G3BP1: variants seen among roughly 807,000 people sequenced by gnomAD.
G3BP1 encodes ras GTPase-activating protein-binding protein 1.
A neutral mutation model predicts 58.6 loss-of-function variants in G3BP1; 35 were observed. That is an observed-to-expected ratio of 0.60 (90% CI 0.46 to 0.79). The LOEUF is 0.79. Among genes scored for constraint, G3BP1 ranks in the 30% least tolerant of loss-of-function variants. The pLI is 0.00. For synonymous variants in G3BP1, 191 were observed against 195.4 expected (o/e 0.98, Z 0.19); for missense variants, 523 against 580.8 (o/e 0.90, Z 1.02).
At position 151,784,379 on chromosome 5, in the gene G3BP1, G is replaced by T. The variant is rs191655823; in HGVS notation, c.-49-2193G>T. Among the ~76,000 whole-genome samples, 112 of 152,216 alleles carry T rather than the reference G, an allele frequency of 7.4e-4. 1 individual carries two copies. In the Middle Eastern group the frequency reaches 0.017, roughly 23 times the overall value. On this transcript the variant is annotated intron_variant, in intron 1 of 11. Transcript: ENST00000356245. ...TTATGTCTGCTATCTTAATCTAAAT[G>T]CTGGAAAACCTGCTAAGTCAGTTTT...
rs1763025093 is a variant in G3BP1, at chr5:151,812,023, G to A, written c.*7932G>A. 1 of 152,214 alleles carries A rather than the reference G, an allele frequency of 6.6e-6. No individual in the cohort carries two copies. Among genetic ancestry groups the A allele is most frequent in the African/African-American group, 2.4e-5 (1 of 41,452 alleles). 9.4% of individuals were successfully genotyped at this position (152,214 alleles called of 1,614,324 possible). ...CTAGCTGTCAGAGTTGCCGCTATGT[G>A]AGCTTGTGACTTCTGGTCTGGCGTG... is the stretch of plus-strand genomic sequence containing the variant. On this transcript the variant is annotated 3_prime_UTR_variant, in exon 12 of 12. Coordinates refer to ENST00000356245, the MANE Select transcript of G3BP1 (RefSeq NM_005754.3).
chr5:151,799,862 C>A, intron 8 of G3BP1, 27 bp from the exon 9 acceptor site: 1 of 1,354,136 alleles, frequency 7.4e-7, no homozygotes, highest in Non-Finnish European at 1.0e-6. Context: ...TTTGTTTTAA[C>A]ACAAAAGTTA....
At position 151,805,887 on chromosome 5, in the gene G3BP1, G is replaced by GTCATAAA. The variant is rs1762932435; in HGVS notation, c.*1798_*1804dup. 6.6e-6 allele frequency: 1 copy of GTCATAAA among 152,138 alleles called. No individual in the cohort carries two copies. Among genetic ancestry groups the GTCATAAA allele is most frequent in the African/African-American group, 2.4e-5 (1 of 41,422 alleles). 9.4% of individuals were successfully genotyped at this position (152,138 alleles called of 1,614,324 possible). ...AAAATTACTTTGTGGTAACTTCAAG[G>GTCATAAA]TCATAAATTATGGATAGCCTAGAAA... On this transcript the variant is annotated 3_prime_UTR_variant, in exon 12 of 12. Transcript: ENST00000356245.
intron 9 of G3BP1, 77 bp from the exon 10 acceptor site, chr5:151,800,141 A>G: frequency 7.0e-7 from 1 of 1,420,540 alleles, no homozygotes; most frequent in Admixed American, 1.8e-5. Context: ...GTAGAGGGAA[A>G]ACTATTGAAT....
At chr5:151,786,300 G>A (rs1258337142) in intron 1 of G3BP1, among the ~76,000 whole-genome samples, 1 of 152,124 alleles carries the variant, frequency 6.6e-6, no homozygotes, top group Non-Finnish European at 1.5e-5. Flanking sequence ...AACAAAACAA[G>A]AAAATTATGG....
intron 1 of G3BP1, among the ~76,000 whole-genome samples, chr5:151,783,319 A>G (rs1762503160): frequency 6.6e-6 from 1 of 152,062 alleles, no homozygotes; most frequent in Non-Finnish European, 1.5e-5. Context: ...AGAGATGACA[A>G]TTTTTTAGGA....
chr5:151,801,270 A>G (rs931286064), intron 11 of G3BP1, among the ~76,000 whole-genome samples: 9 of 152,206 alleles, frequency 5.9e-5, no homozygotes, highest in African/African-American at 1.7e-4. Flanking sequence ...ATAACTATTA[A>G]GAGCTTCTTC....
At chr5:151,780,305 G>A (rs947764635) in intron 1 of G3BP1, among the ~76,000 whole-genome samples, 1 of 151,986 alleles carries the variant, frequency 6.6e-6, no homozygotes, top group Non-Finnish European at 1.5e-5. Flanking sequence ...TTGTATGCAG[G>A]TTTATATACA....
Position 151,775,117 on chromosome 5 carries a change from G to T in G3BP1, c.-50+3081G>T, listed in dbSNP as rs1438259671. ...TCACAGCCTGTAGCTTAGTAAATAA[G>T]GTCTTTAGGCGACTTTGTGATAGAG... On this transcript the variant is annotated intron_variant, in intron 1 of 11. Coordinates refer to ENST00000356245, the MANE Select transcript of G3BP1 (RefSeq NM_005754.3). Among the ~76,000 whole-genome samples the T allele has an allele frequency of 5.3e-5, 8 of 152,168 alleles. 1 individual carries two copies.
rs1762933216 is a variant in G3BP1, at chr5:151,805,949, A to G, written c.*1858A>G. ...GAGTGAATACTAAATTATACATTTC[A>G]AAACAGAAGTTCTTCCTACTTGGAG... On this transcript the variant is annotated 3_prime_UTR_variant, in exon 12 of 12. Coordinates refer to ENST00000356245, the MANE Select transcript of G3BP1 (RefSeq NM_005754.3). The G allele has an allele frequency of 6.6e-6, 1 of 152,230 alleles. No individual in the cohort carries two copies. Among genetic ancestry groups the G allele is most frequent in the Non-Finnish European group, 1.5e-5 (1 of 68,032 alleles). 9.4% of individuals were successfully genotyped at this position (152,230 alleles called of 1,614,324 possible).
chr5:151,783,765 C>A (rs532376727), intron 1 of G3BP1, among the ~76,000 whole-genome samples: 4 of 151,982 alleles, frequency 2.6e-5, no homozygotes, highest in African/African-American at 9.7e-5. Context: ...CTTACCTAAA[C>A]ATTCTTTTTT....
Position 151,808,664 on chromosome 5 carries a change from T to A in G3BP1, c.*4573T>A, listed in dbSNP as rs1415423453. 6.6e-6 allele frequency: 1 copy of A among 152,218 alleles called. No individual in the cohort carries two copies. The highest frequency in any genetic ancestry group is 2.1e-4 in the South Asian group (1 of 4,836). 9.4% of individuals were successfully genotyped at this position (152,218 alleles called of 1,614,324 possible). A position where few individuals can be genotyped will look rare whatever the true frequency, so the allele number is the denominator to read the frequency against. Reference sequence around the variant, plus strand: ...GTGTAGTATTTTGAAATGTGGCCAGTGTCCCAGATTTGTAAGGTACAGTGT... The same window carrying A: ...GTGTAGTATTTTGAAATGTGGCCAGAGTCCCAGATTTGTAAGGTACAGTGT... On this transcript the variant is annotated 3_prime_UTR_variant, in exon 12 of 12. Transcript: ENST00000356245.
intron 1 of G3BP1, 114 bp downstream of exon 1, chr5:151,772,150 C>T: frequency 6.6e-6 from 1 of 151,300 alleles, no homozygotes; most frequent in African/African-American, 2.4e-5. Context: ...TCGCGTCCCC[C>T]ACCCCAACCC....
chr5:151,801,781 A>G (rs1762854210), intron 11 of G3BP1, among the ~76,000 whole-genome samples: 1 of 152,014 alleles, frequency 6.6e-6, no homozygotes, highest in South Asian at 2.1e-4. Context: ...TATTCTCCAG[A>G]ATGTTAATGG....
rs1367884799 is a variant in G3BP1, at chr5:151,811,912, A to G, written c.*7821A>G. 1 of 152,230 alleles carries G rather than the reference A, an allele frequency of 6.6e-6. No individual in the cohort carries two copies. Among genetic ancestry groups the G allele is most frequent in the Non-Finnish European group, 1.5e-5 (1 of 68,046 alleles). The allele number at this position is 152,230 out of a possible 1,614,324, so 9.4% of individuals were successfully genotyped here. A position where few individuals can be genotyped will look rare whatever the true frequency, so the allele number is the denominator to read the frequency against. ...TCACATTTTCTTCTTCATAAGGATG[A>G]GGAACTTTGTAATTCTGACCTGATT... On this transcript the variant is annotated 3_prime_UTR_variant, in exon 12 of 12. Coordinates refer to ENST00000356245, the MANE Select transcript of G3BP1 (RefSeq NM_005754.3).
At chr5:151,797,090 G>T in intron 6 of G3BP1, 137 bp from the exon 7 acceptor site, 4 of 747,284 alleles carry the variant, frequency 5.4e-6, no homozygotes, top group Non-Finnish European at 6.6e-6. Context: ...AACTCAGATA[G>T]ATATACAATT....
rs774505897 is a variant in G3BP1, at chr5:151,805,215, C to T, written c.*1124C>T. 2.0e-5 allele frequency: 3 copies of T among 152,234 alleles called. No homozygotes were observed. The highest frequency in any genetic ancestry group is 4.8e-5 in the African/African-American group (2 of 41,376). 9.4% of individuals were successfully genotyped at this position (152,234 alleles called of 1,614,324 possible). Reference sequence around the variant, plus strand: ...TGGACTTTGCTCATGTGCTCGTGTCCGCATTTTTTTTTTTCTTAAAATCAT... The same window carrying T: ...TGGACTTTGCTCATGTGCTCGTGTCTGCATTTTTTTTTTTCTTAAAATCAT... On this transcript the variant is annotated 3_prime_UTR_variant, in exon 12 of 12. Transcript: ENST00000356245.
chr5:151,797,573 C>T (rs1762776412), intron 7 of G3BP1, 145 bp downstream of exon 7: 1 of 881,464 alleles, frequency 1.1e-6, no homozygotes, highest in East Asian at 2.7e-5. Context: ...AGATATTGAG[C>T]CATATGTTTG....
chr5:151,791,008 TA>T lies in G3BP1; in HGVS notation c.299del (p.Asn100ThrfsTer6). 6.2e-7 allele frequency: 1 copy of T among 1,613,912 alleles called. No individual in the cohort carries two copies. Among genetic ancestry groups the T allele is most frequent in the Non-Finnish European group, 8.5e-7 (1 of 1,179,862 alleles). On this transcript the variant is annotated frameshift_variant, in exon 4 of 12. Transcript: ENST00000356245. LOFTEE classifies it high-confidence loss of function. ...TAGTCCAGGTGATGGGGCTTCTCTC[TA>T]ACAACAACCAGGCTTTGAGGAGATT... ...VVVQVMGLLS[N>X]NNQALRRFMQ...
Sources: allele counts gnomAD v4.1 joint callset (sites outside exome capture counted in the v4.1 genomes callset), GRCh38; gene constraint gnomAD v4.1.1; transcripts MANE v1.5; gene names NCBI Gene and HGNC (gene_info 2026-07-23, HGNC 2026-07-21).